The following COL4A3 variants were observed in gnomAD, a reference collection of about 807,000 sequenced individuals.
COL4A3 encodes the protein collagen type IV alpha 3 chain, also known as collagen alpha-3(IV) chain.
Under a neutral mutation model 217.4 loss-of-function variants are expected in COL4A3, and 135 were observed. The observed-to-expected ratio is 0.62, with a 90% CI of 0.54 to 0.72. The LOEUF (loss-of-function observed/expected upper bound fraction) is 0.72. Ranked by LOEUF, COL4A3 falls within the 30% of genes least tolerant of loss-of-function variation. The probability of loss-of-function intolerance (pLI) is 0.00; values close to 1 mark genes in which losing one functional copy is unlikely to be tolerated. For synonymous variants in COL4A3, 690 were observed against 736.3 expected (o/e 0.94, Z 1.02); for missense variants, 1,868 against 2,119.9 (o/e 0.88, Z 2.33).
chr2:227,215,002 TACTGGATACTTTTTGGTTTGTTTACTCGG>T (rs2067471754), intron 1 of COL4A3, among the ~76,000 whole-genome samples: 1 of 152,232 alleles, frequency 6.6e-6, no homozygotes, highest in Admixed American at 6.5e-5. Context: ...CTGAAACGTA[TACTGGATACTTTTTGGTTTGTTTACTCGG>T]CTTAGAATGT....
chr2:227,211,752 G>A (rs1394253939), intron 1 of COL4A3, among the ~76,000 whole-genome samples: 2 of 152,038 alleles, frequency 1.3e-5, no homozygotes, highest in African/African-American at 4.8e-5. Flanking sequence ...CCACCTCCCA[G>A]GTTCAAGCAA....
intron 26 of COL4A3, among the ~76,000 whole-genome samples, chr2:227,275,032 GTC>G (rs2071473401): frequency 6.6e-6 from 1 of 152,202 alleles, no homozygotes; most frequent in Non-Finnish European, 1.5e-5. Context: ...TGTATGTACT[GTC>G]TCTGGCTGCT....
intron 48 of COL4A3, among the ~76,000 whole-genome samples, chr2:227,308,637 A>T (rs1457610612): frequency 6.6e-6 from 1 of 152,250 alleles, no homozygotes; most frequent in East Asian, 1.9e-4. Context: ...CAACTGATCT[A>T]TGCTAGCCCC....
At chr2:227,266,603 T>C in intron 22 of COL4A3, 94 bp downstream of exon 22, 1 of 912,368 alleles carries the variant, frequency 1.1e-6, no homozygotes, top group Non-Finnish European at 1.8e-6. Flanking sequence ...TGATCCCAAA[T>C]AGCTACCAGT....
chr2:227,253,625 C>T lies in COL4A3; in HGVS notation c.752C>T (p.Pro251Leu). 2 of 1,613,828 alleles carry T rather than the reference C, an allele frequency of 1.2e-6. No individual in the cohort carries two copies. Among genetic ancestry groups the T allele is most frequent in the South Asian group, 2.2e-5 (2 of 91,074 alleles). ...ACAGTTATTGTGACCCTAACTGGCC[C>T]AGATAACAGAACGGTAACTCTGCGA... ...PGTVIVTLTGPDNRTDLKGEK... is the reference protein window; with the variant it reads ...PGTVIVTLTGLDNRTDLKGEK... Residue 251 changes from proline (P) to leucine (L), a missense_variant, in exon 13 of 52, where the codon CCA (proline) becomes CTA (leucine). Pro to Leu is a moderately conservative substitution (Grantham distance 98, BLOSUM62 -3). Around this residue, in one of 2 missense-constraint regions of COL4A3, gnomAD observed 365 missense variants for 333.8 expected, o/e 1.09. Coordinates refer to ENST00000396578, the MANE Select transcript of COL4A3 (RefSeq NM_000091.5). This position sits in a 1 kb window ranked among gnomAD's most constrained non-coding sequence, Gnocchi z 4.4.
intron 2 of COL4A3, 60 bp downstream of exon 2, chr2:227,238,084 AC>A: frequency 3.6e-6 from 4 of 1,117,352 alleles, no homozygotes; most frequent in Non-Finnish European, 5.5e-6. Context: ...GTAAAACTCA[AC>A]CTTCTTCTTT....
At position 227,274,266 on chromosome 2, in the gene COL4A3, TA is replaced by T. The variant is rs1462511034; in HGVS notation, c.1927+1152del. Among the ~76,000 whole-genome samples, 91 of 151,572 alleles carry T rather than the reference TA, an allele frequency of 6.0e-4. 1 individual carries two copies. The highest frequency in any genetic ancestry group is 2.1e-3 in the African/African-American group (89 of 41,420). ...ATAAATAAATAAATAAATAAATAAA[TA>T]AATAAATTTTAAAAATCACTTTAAA... On this transcript the variant is annotated intron_variant, in intron 26 of 51. Coordinates refer to ENST00000396578, the MANE Select transcript of COL4A3 (RefSeq NM_000091.5).
chr2:227,273,336 T>C (rs1406998249), intron 26 of COL4A3, among the ~76,000 whole-genome samples: 1 of 152,200 alleles, frequency 6.6e-6, no homozygotes, highest in East Asian at 1.9e-4. Flanking sequence ...TCCTAGAATA[T>C]TCTATATCTA....
At chr2:227,174,208 C>A (rs959418850) in intron 1 of COL4A3, among the ~76,000 whole-genome samples, 2 of 151,968 alleles carry the variant, frequency 1.3e-5, no homozygotes, top group Non-Finnish European at 2.9e-5. Context: ...AAGTTATGTA[C>A]AGGAAAAATT....
intron 20 of COL4A3, among the ~76,000 whole-genome samples, chr2:227,263,097 A>T (rs749400289): frequency 2.4e-5 from 3 of 124,334 alleles, no homozygotes; most frequent in Non-Finnish European, 4.7e-5. Context: ...AAATATGATT[A>T]AAAAAATACA....
At position 227,310,869 on chromosome 2, in the gene COL4A3, C is replaced by A. The variant is rs779137269; in HGVS notation, c.4849C>A (p.His1617Asn). ...CCGAGCCAGCCCATTTCTAGAATGT[C>A]ATGGAAGAGGAACGTGCAACTACTA... ...EFRASPFLEC[H>N]GRGTCNYYSN... Residue 1617 changes from histidine (H) to asparagine (N), a missense_variant, in exon 51 of 52, where the codon CAT becomes AAT. His to Asn is a moderately conservative substitution (Grantham distance 68, BLOSUM62 1). Around this residue, in one of 2 missense-constraint regions of COL4A3, gnomAD observed 1,503 missense variants for 1,786.1 expected, o/e 0.84. Transcript: ENST00000396578. 3.7e-6 allele frequency: 6 copies of A among 1,614,024 alleles called. No homozygotes were observed. The African/African-American group carries it at 8.0e-5, about 22-fold the overall frequency.
rs200312768 is a variant in COL4A3, at chr2:227,203,376, C to T, written c.88-34592C>T. On this transcript the variant is annotated intron_variant, in intron 1 of 51. Coordinates refer to ENST00000396578, the MANE Select transcript of COL4A3 (RefSeq NM_000091.5). ...GTGTATATATACATATATGTGTATA[C>T]ATACATATATGTGTATATATGTGTA... 2.8e-3 allele frequency among the ~76,000 whole-genome samples: 29 copies of T among 10,342 alleles called. 4 individuals carry two copies. The highest frequency in any genetic ancestry group is 5.5e-3 in the Admixed American group (4 of 726). The allele number at this position is 10,342 out of a possible 152,430, so 6.8% of individuals were successfully genotyped here.
chr2:227,296,405 T>C (rs955799794), intron 41 of COL4A3: 5 of 575,394 alleles, frequency 8.7e-6, no homozygotes, highest in Non-Finnish European at 2.2e-6. Context: ...TATAAAACGG[T>C]CATACCTTAG....
chr2:227,254,011 TA>T, intron 13 of COL4A3, 100 bp from the exon 14 acceptor site: 2 of 1,121,466 alleles, frequency 1.8e-6, no homozygotes, highest in Non-Finnish European at 2.7e-6. Flanking sequence ...TCATAGTTTG[TA>T]AACCCAGTTT....
chr2:227,309,014 A>C lies in COL4A3; in HGVS notation c.4578A>C (p.Pro1526=), dbSNP rs1309123639. The stretch of plus-strand genomic sequence containing the variant: ...ATTATTCATACTGGCTGTCAACACC[A>C]GCTCTGATGCCAATGAACATGGCTC... ...RNDYSYWLST[P]ALMPMNMAPI... is the part of the protein sequence containing the mutation. The change falls in exon 49 of 52, where the codon CCA becomes CCC. Residue 1526 remains proline (P), a synonymous_variant. Transcript: ENST00000396578. The C allele has an allele frequency of 1.2e-6, 2 of 1,614,094 alleles. No homozygotes were observed. Among genetic ancestry groups the C allele is most frequent in the Non-Finnish European group, 8.5e-7 (1 of 1,180,044 alleles).
intron 1 of COL4A3, among the ~76,000 whole-genome samples, chr2:227,218,133 C>A (rs1227168677): frequency 7.0e-6 from 1 of 141,942 alleles, no homozygotes; most frequent in East Asian, 2.0e-4. Flanking sequence ...ATAGCTAAAC[C>A]CCTTTTTAAG....
At chr2:227,243,014 C>T (rs2069116804) in intron 3 of COL4A3, among the ~76,000 whole-genome samples, 1 of 152,186 alleles carries the variant, frequency 6.6e-6, no homozygotes, top group Admixed American at 6.5e-5. Flanking sequence ...TCTTCCATTT[C>T]TATTGGTAGA....
intron 1 of COL4A3, among the ~76,000 whole-genome samples, chr2:227,170,740 T>A (rs913786370): frequency 1.3e-5 from 2 of 152,182 alleles, no homozygotes; most frequent in African/African-American, 4.8e-5. Context: ...ATTACTGAAG[T>A]TAAAGGAAAT....
At chr2:227,240,527 A>G (rs1323091709) in intron 3 of COL4A3, among the ~76,000 whole-genome samples, 1 of 152,070 alleles carries the variant, frequency 6.6e-6, no homozygotes, top group African/African-American at 2.4e-5. Context: ...GAAAACTCAG[A>G]GCTCTTTTTG....
Sources: gnomAD v4.1 joint callset for allele counts (sites outside exome capture counted in the v4.1 genomes callset) on GRCh38, gnomAD v4.1.1 for gene constraint, gnomAD v4.1.1 regional missense constraint, Gnocchi (gnomAD v3.1) non-coding constraint, MANE v1.5 for transcripts, NCBI Gene and HGNC (gene_info 2026-07-23, HGNC 2026-07-21) for gene names.